EPS15: variants seen among roughly 807,000 people sequenced by gnomAD.
The protein encoded by EPS15 is epidermal growth factor receptor pathway substrate 15.
EPS15 carries 72 observed loss-of-function variants against 113.8 expected under a neutral mutation model. The observed-to-expected ratio is 0.63, with a 90% CI of 0.52 to 0.77. The LOEUF is 0.77. EPS15 is among the 30% of genes least tolerant of loss of function. EPS15 has a pLI of 0.00. For missense variants in EPS15, 1,048 were observed against 1,045.8 expected, an observed-to-expected ratio of 1.00 and a Z score of -0.03; for synonymous variants, 344 against 363.4, an observed-to-expected ratio of 0.95 and a Z score of 0.61.
chr1:51,398,085 G>T (rs566220774), intron 20 of EPS15, among the ~76,000 whole-genome samples: 1 of 145,362 alleles, frequency 6.9e-6, no homozygotes, highest in African/African-American at 2.6e-5. Context: ...ACGGAGTCTC[G>T]CTCTGTCACC....
At chr1:51,442,229 G>C (rs1652651843) in intron 11 of EPS15, among the ~76,000 whole-genome samples, 1 of 152,090 alleles carries the variant, frequency 6.6e-6, no homozygotes, top group African/African-American at 2.4e-5. Context: ...GGCCTGGCCA[G>C]ACAGCTAAAC....
rs1644359889 is a variant in EPS15, at chr1:51,498,290, C to T, written c.34-16976G>A. Among the ~76,000 whole-genome samples, 4 of 152,180 alleles carry T rather than the reference C, an allele frequency of 2.6e-5. No individual in the cohort carries two copies. In the South Asian group the frequency reaches 8.3e-4, roughly 32 times the overall value. ...TGATGATATGATCTTAGGTACGGTG[C>T]TCAGTGGTATCAATGTTGTATAACC... On this transcript the variant is annotated intron_variant, in intron 1 of 24. Coordinates refer to ENST00000371733, the MANE Select transcript of EPS15 (RefSeq NM_001981.3).
chr1:51,365,917 G>C (rs1281105116), intron 22 of EPS15, 36 bp downstream of exon 22: 16 of 1,398,006 alleles, frequency 1.1e-5, no homozygotes, highest in Non-Finnish European at 1.6e-5. Context: ...TGGAAACACA[G>C]TATGTTTTCC....
chr1:51,358,134 A>G (rs1646285193), intron 24 of EPS15, among the ~76,000 whole-genome samples: 1 of 151,750 alleles, frequency 6.6e-6, no homozygotes, highest in Non-Finnish European at 1.5e-5. Context: ...ACATGGCAAA[A>G]CTCTGTTTTT....
intron 8 of EPS15, among the ~76,000 whole-genome samples, chr1:51,457,241 C>G (rs909211144): frequency 2.6e-5 from 4 of 151,850 alleles, no homozygotes; most frequent in Non-Finnish European, 5.9e-5. Flanking sequence ...GAGCTGAGAT[C>G]GCGCCACTGC....
At chr1:51,446,251 A>G (rs1020303111) in intron 10 of EPS15, among the ~76,000 whole-genome samples, 1 of 152,218 alleles carries the variant, frequency 6.6e-6, no homozygotes, top group African/African-American at 2.4e-5. Flanking sequence ...TGCCTTTTCA[A>G]GGACCAAGTA....
At chr1:51,457,295 T>A (rs1054002052) in intron 8 of EPS15, among the ~76,000 whole-genome samples, 12 of 151,220 alleles carry the variant, frequency 7.9e-5, no homozygotes, top group East Asian at 5.8e-4. Context: ...TCAAAAAAAA[T>A]AAAAATTAAA....
In EPS15 at chr1:51,472,852, A is replaced by G. The variant is rs1214074501; in HGVS notation, c.165+7T>C. On this transcript the variant is annotated splice_region_variant and intron_variant, in intron 3 of 24. Transcript: ENST00000371733. ...CTTATAATCTAGTTATAATGAACGA[A>G]TACTACCTTTCCAAGTATCAAGTCT... 1.9e-6 allele frequency: 3 copies of G among 1,602,180 alleles called. No individual in the cohort carries two copies. Among genetic ancestry groups the G allele is most frequent in the Non-Finnish European group, 2.6e-6 (3 of 1,169,208 alleles).
At chr1:51,461,521 TAAAA>T (rs34184025) in intron 7 of EPS15, among the ~76,000 whole-genome samples, 1 of 85,042 alleles carries the variant, frequency 1.2e-5, no homozygotes, top group South Asian at 4.1e-4. Context: ...CACTGTTTCT[TAAAA>T]AAAAAAAAAA....
chr1:51,390,461 A>C (rs1456293431), intron 21 of EPS15, among the ~76,000 whole-genome samples: 1 of 152,228 alleles, frequency 6.6e-6, no homozygotes, highest in Admixed American at 6.5e-5. Context: ...CAAAATTGAC[A>C]AATGGGATCT....
At chr1:51,406,685 T>C (rs531464220) in intron 15 of EPS15, among the ~76,000 whole-genome samples, 1 of 152,300 alleles carries the variant, frequency 6.6e-6, no homozygotes, top group Admixed American at 6.5e-5. Flanking sequence ...TACCCATTCA[T>C]CTGGTAGCAT....
intron 8 of EPS15, among the ~76,000 whole-genome samples, chr1:51,450,603 A>T (rs1024607910): frequency 1.3e-5 from 2 of 151,870 alleles, no homozygotes; most frequent in Non-Finnish European, 2.9e-5. Context: ...AAAAGGGTAT[A>T]GGAAAAATTA....
rs111553144 is a variant in EPS15, at chr1:51,481,345, G to A, written c.34-31C>T. On this transcript the variant is annotated intron_variant, in intron 1 of 24. Coordinates refer to ENST00000371733, the MANE Select transcript of EPS15 (RefSeq NM_001981.3). ...ATAAACACATTAATAAAAATTAGAT[G>A]CTATTCATTAACTTCTATTAACATA... 1.5e-5 allele frequency: 14 copies of A among 951,286 alleles called. 1 individual carries two copies. The highest frequency in any genetic ancestry group is 6.5e-5 in the African/African-American group (4 of 61,838). The allele number at this position is 951,286 out of a possible 1,614,324, so 58.9% of individuals were successfully genotyped here.
intron 1 of EPS15, among the ~76,000 whole-genome samples, chr1:51,484,295 C>T (rs1644079396): frequency 6.6e-6 from 1 of 151,976 alleles, no homozygotes; most frequent in Admixed American, 6.6e-5. Context: ...GGTGTAGTCG[C>T]TCGCGCCTGT....
intron 1 of EPS15, among the ~76,000 whole-genome samples, chr1:51,482,859 T>C (rs546320043): frequency 6.6e-6 from 1 of 151,864 alleles, no homozygotes; most frequent in South Asian, 2.1e-4. Context: ...GTAACATAGA[T>C]TTGACAGGAC....
intron 1 of EPS15, among the ~76,000 whole-genome samples, chr1:51,498,485 A>C (rs548896342): frequency 6.6e-6 from 1 of 152,352 alleles, no homozygotes; most frequent in East Asian, 1.9e-4. Flanking sequence ...AAATTTTATT[A>C]TAAAACATGC....
At chr1:51,415,485 A>C (rs1323755922) in intron 13 of EPS15, among the ~76,000 whole-genome samples, 1 of 152,146 alleles carries the variant, frequency 6.6e-6, no homozygotes, top group Non-Finnish European at 1.5e-5. Context: ...GTCTATTTCT[A>C]AATATGAAAA....
intron 21 of EPS15, among the ~76,000 whole-genome samples, chr1:51,381,783 A>C (rs1469164837): frequency 6.6e-6 from 1 of 152,170 alleles, no homozygotes; most frequent in East Asian, 1.9e-4. Context: ...GAAACACAGC[A>C]TTACCAAAAC....
chr1:51,403,339 T>A, intron 17 of EPS15, 80 bp downstream of exon 17: 2 of 731,908 alleles, frequency 2.7e-6, no homozygotes, highest in East Asian at 5.1e-5. Flanking sequence ...TTGTACCCAT[T>A]AAGTAATGTC....
Sources: gnomAD v4.1 joint callset for allele counts (sites outside exome capture counted in the v4.1 genomes callset) on GRCh38, gnomAD v4.1.1 for gene constraint, MANE v1.5 for transcripts, NCBI Gene and HGNC (gene_info 2026-07-23, HGNC 2026-07-21) for gene names.